Variants in CHST9 observed in about 807,000 individuals in gnomAD.
CHST9 encodes the protein carbohydrate sulfotransferase 9, also known as GalNAc-4-sulfotransferase 2.
A neutral mutation model predicts 44.4 loss-of-function variants in CHST9; 41 were observed. That is an observed-to-expected ratio of 0.92 (90% CI 0.72 to 1.20). CHST9 has a LOEUF of 1.20. CHST9 is among the 50% of genes most tolerant of loss of function. CHST9 has a pLI of 0.00. For synonymous variants in CHST9, 171 were observed against 178.4 expected, an observed-to-expected ratio of 0.96 and a Z score of 0.33; for missense variants, 504 against 516.5, an observed-to-expected ratio of 0.98 and a Z score of 0.23.
Position 26,980,457 on chromosome 18 carries a change from G to A in CHST9, c.203-36091C>T, listed in dbSNP as rs534946965. On this transcript the variant is annotated intron_variant, in intron 4 of 5. Transcript: ENST00000618847. ...GGATGAGAGAGATGAGGAGACTACCGATTTATTCTTTACTCTGGAAACTTT... is the reference window on the plus strand; with the variant it reads ...GGATGAGAGAGATGAGGAGACTACCAATTTATTCTTTACTCTGGAAACTTT... Among the ~76,000 whole-genome samples the A allele has an allele frequency of 7.0e-4, 107 of 152,166 alleles. 1 individual carries two copies. The highest frequency in any genetic ancestry group is 2.3e-3 in the African/African-American group (96 of 41,544).
At chr18:27,102,507 C>T (rs1029201698) in intron 2 of CHST9, among the ~76,000 whole-genome samples, 5 of 152,088 alleles carry the variant, frequency 3.3e-5, no homozygotes, top group African/African-American at 9.7e-5. Flanking sequence ...CCATATTTAC[C>T]CCATCCTAAA....
chr18:27,102,412 G>C (rs1229911950), intron 2 of CHST9, among the ~76,000 whole-genome samples: 1 of 152,096 alleles, frequency 6.6e-6, no homozygotes, highest in Non-Finnish European at 1.5e-5. Context: ...TTCCCTATTT[G>C]GGGATTCATT....
In CHST9 at chr18:26,942,660, T is replaced by C. The variant is rs570906605; in HGVS notation, c.240+1669A>G. Among the ~76,000 whole-genome samples, 15 of 152,290 alleles carry C rather than the reference T, an allele frequency of 9.8e-5. No homozygotes were observed. The East Asian group carries it at 2.9e-3, about 29-fold the overall frequency. On this transcript the variant is annotated intron_variant, in intron 5 of 5. Coordinates refer to ENST00000618847, the MANE Select transcript of CHST9 (RefSeq NM_031422.6). ...TAAGTTAATAAGGGAAACAGGTAGG[T>C]TGTTACATTTATAAGGAAAACAGGG...
At position 27,153,073 on chromosome 18, in the gene CHST9, G is replaced by A. The variant is rs143065986; in HGVS notation, c.-96-10168C>T. ...GCAGGAAGTGGAATTAAAGAATACC[G>A]AAGTGGGTGCTGTGTTGCTGCTCTA... On this transcript the variant is annotated intron_variant, in intron 1 of 5. Transcript: ENST00000618847. 6.6e-5 allele frequency among the ~76,000 whole-genome samples: 10 copies of A among 152,222 alleles called. No homozygotes were observed. The East Asian group carries it at 1.9e-3, about 29-fold the overall frequency.
chr18:27,077,773 C>T (rs949876704), intron 2 of CHST9, among the ~76,000 whole-genome samples: 2 of 152,098 alleles, frequency 1.3e-5, no homozygotes, highest in Non-Finnish European at 2.9e-5. Flanking sequence ...GAAAAATATA[C>T]AAATTGTATT....
intron 1 of CHST9, among the ~76,000 whole-genome samples, chr18:27,146,305 T>A (rs1231795862): frequency 6.6e-6 from 1 of 152,134 alleles, no homozygotes; most frequent in East Asian, 1.9e-4. Flanking sequence ...GATTGAGTGA[T>A]TAAAGCCACA....
intron 3 of CHST9, among the ~76,000 whole-genome samples, chr18:27,024,868 T>C (rs1273969564): frequency 6.6e-6 from 1 of 152,134 alleles, no homozygotes; most frequent in Non-Finnish European, 1.5e-5. Flanking sequence ...AGGGCATCTT[T>C]CTGCCAGATG....
intron 1 of CHST9, among the ~76,000 whole-genome samples, chr18:27,149,297 A>G (rs553999567): frequency 2.0e-5 from 3 of 151,846 alleles, no homozygotes; most frequent in East Asian, 2.0e-4. Flanking sequence ...TTTTGTTGCC[A>G]TTGCTTTTGG....
chr18:27,184,864 G>A (rs1270306199), intron 1 of CHST9, among the ~76,000 whole-genome samples: 1 of 151,978 alleles, frequency 6.6e-6, no homozygotes, highest in Admixed American at 6.6e-5. Flanking sequence ...CTTCTCCAGC[G>A]CCCCCTCAAA....
At chr18:27,180,112 T>A (rs1404632108) in intron 1 of CHST9, among the ~76,000 whole-genome samples, 1 of 152,152 alleles carries the variant, frequency 6.6e-6, no homozygotes, top group Non-Finnish European at 1.5e-5. Context: ...CCGGTTTTCA[T>A]CTACAAATAA....
chr18:27,015,019 A>G (rs2057134795), intron 4 of CHST9, among the ~76,000 whole-genome samples: 2 of 152,160 alleles, frequency 1.3e-5, no homozygotes, highest in Non-Finnish European at 2.9e-5. Context: ...GACTCCACCT[A>G]TGAAGTTAAT....
intron 2 of CHST9, among the ~76,000 whole-genome samples, chr18:27,082,620 G>A (rs531580539): frequency 6.6e-6 from 1 of 152,256 alleles, no homozygotes; most frequent in South Asian, 2.1e-4. Context: ...ATCAAACCAA[G>A]GCAATTTCTA....
chr18:27,139,288 C>A (rs2058544685), intron 2 of CHST9, among the ~76,000 whole-genome samples: 1 of 152,016 alleles, frequency 6.6e-6, no homozygotes, highest in South Asian at 2.1e-4. Flanking sequence ...GATTTTAAAA[C>A]CAGCATTACT....
chr18:27,055,787 G>A (rs1361081285), intron 2 of CHST9, among the ~76,000 whole-genome samples: 5 of 152,122 alleles, frequency 3.3e-5, no homozygotes, highest in Admixed American at 1.3e-4. Context: ...ACAGGAAATA[G>A]CATGATATAA....
intron 1 of CHST9, among the ~76,000 whole-genome samples, chr18:27,149,658 C>A (rs565862488): frequency 6.7e-6 from 1 of 149,736 alleles, no homozygotes; most frequent in Non-Finnish European, 1.5e-5. Context: ...AATGTTGAGG[C>A]CTTTCAATAT....
intron 2 of CHST9, among the ~76,000 whole-genome samples, chr18:27,096,123 CAAG>C (rs1368294400): frequency 2.6e-5 from 4 of 151,896 alleles, no homozygotes; most frequent in Non-Finnish European, 1.5e-5. Context: ...ACATCAATAC[CAAG>C]AAGATCTTTC....
intron 4 of CHST9, among the ~76,000 whole-genome samples, chr18:27,017,913 A>C (rs966218558): frequency 3.9e-5 from 6 of 152,204 alleles, no homozygotes; most frequent in African/African-American, 9.7e-5. Context: ...GTATTTTATA[A>C]ATTTATCAAC....
chr18:27,115,768 C>T (rs1242578882), intron 2 of CHST9, among the ~76,000 whole-genome samples: 1 of 152,198 alleles, frequency 6.6e-6, no homozygotes, highest in Admixed American at 6.5e-5. Context: ...CCACCTTGGA[C>T]TCCCAAAGTG....
chr18:27,032,322 AACAC>A (rs768920485), intron 3 of CHST9, among the ~76,000 whole-genome samples: 7 of 152,126 alleles, frequency 4.6e-5, no homozygotes, highest in Non-Finnish European at 8.8e-5. Context: ...CTGGGCTCAA[AACAC>A]ACAGAGACAT....
Sources: gnomAD v4.1 joint callset for allele counts (sites outside exome capture counted in the v4.1 genomes callset) on GRCh38, gnomAD v4.1.1 for gene constraint, MANE v1.5 for transcripts, NCBI Gene and HGNC (gene_info 2026-07-23, HGNC 2026-07-21) for gene names.